The following EPHA5 variants were observed in gnomAD, a reference collection of about 807,000 sequenced individuals.
EPHA5 encodes ephrin type-A receptor 5.
A neutral mutation model predicts 105.0 loss-of-function variants in EPHA5; 60 were observed. That is an observed-to-expected ratio of 0.57 (90% CI 0.46 to 0.71). The LOEUF (loss-of-function observed/expected upper bound fraction) is 0.71. Among genes scored for constraint, EPHA5 ranks in the 30% least tolerant of loss-of-function variants. The pLI, the probability that EPHA5 is intolerant of heterozygous loss-of-function variation, is 0.00. For missense variants in EPHA5, 1,218 were observed against 1,274.7 expected (o/e 0.96, Z 0.68); for synonymous variants, 513 against 449.1 (o/e 1.14, Z -1.80).
At chr4:65,549,938 G>C (rs114226384) in intron 3 of EPHA5, among the ~76,000 whole-genome samples, 1 of 151,996 alleles carries the variant, frequency 6.6e-6, no homozygotes, top group Non-Finnish European at 1.5e-5. Context: ...AGGCCCAAAA[G>C]CACACTTTAC....
At chr4:65,652,470 G>T (rs1748693331) in intron 1 of EPHA5, among the ~76,000 whole-genome samples, 1 of 152,086 alleles carries the variant, frequency 6.6e-6, no homozygotes, top group African/African-American at 2.4e-5. Context: ...TTTTACAGAT[G>T]AGGAAATGGA....
intron 2 of EPHA5, among the ~76,000 whole-genome samples, chr4:65,635,505 G>A (rs1747038309): frequency 1.3e-5 from 2 of 152,084 alleles, no homozygotes; most frequent in South Asian, 4.1e-4. Flanking sequence ...TTGTGTGCTA[G>A]AGGAAGCACA....
chr4:65,461,121 T>C (rs1239066142), intron 5 of EPHA5, among the ~76,000 whole-genome samples: 1 of 151,902 alleles, frequency 6.6e-6, no homozygotes, highest in Non-Finnish European at 1.5e-5. Context: ...TTGAAATCTG[T>C]CTTCACCTAA....
intron 5 of EPHA5, among the ~76,000 whole-genome samples, chr4:65,463,976 A>C (rs924284708): frequency 2.2e-4 from 33 of 151,910 alleles, no homozygotes; most frequent in African/African-American, 8.0e-4. Flanking sequence ...AATTAAGACT[A>C]AGCATTTCTT....
chr4:65,500,737 A>AAT (rs1289780388), intron 3 of EPHA5, among the ~76,000 whole-genome samples: 5 of 150,506 alleles, frequency 3.3e-5, no homozygotes, highest in African/African-American at 4.9e-5. Context: ...TAAAAATATT[A>AAT]ATATATATAA....
At chr4:65,393,397 T>C (rs567441053) in intron 8 of EPHA5, among the ~76,000 whole-genome samples, 34 of 152,242 alleles carry the variant, frequency 2.2e-4, no homozygotes, top group Non-Finnish European at 1.5e-5. Flanking sequence ...GCTCTGAGAG[T>C]GAAGGGTGAG....
chr4:65,550,631 C>G (rs144033965), intron 3 of EPHA5, among the ~76,000 whole-genome samples: 2 of 151,980 alleles, frequency 1.3e-5, no homozygotes, highest in Non-Finnish European at 2.9e-5. Context: ...GTCAGGAGAT[C>G]GAAATCATCC....
intron 2 of EPHA5, among the ~76,000 whole-genome samples, chr4:65,608,676 A>G (rs1164410362): frequency 6.6e-6 from 1 of 152,186 alleles, no homozygotes; most frequent in Admixed American, 6.5e-5. Flanking sequence ...TGCTAATTTA[A>G]AGGTGATCCT....
At chr4:65,652,711 C>T (rs997189665) in intron 1 of EPHA5, among the ~76,000 whole-genome samples, 3 of 152,034 alleles carry the variant, frequency 2.0e-5, no homozygotes. Flanking sequence ...GTTACAGAAG[C>T]CAGCATCACC....
intron 5 of EPHA5, among the ~76,000 whole-genome samples, chr4:65,447,985 T>C (rs187802462): frequency 6.6e-6 from 1 of 152,172 alleles, no homozygotes; most frequent in East Asian, 1.9e-4. Context: ...CTAAAATAGA[T>C]GAAAGTGATA....
At chr4:65,349,663 T>A (rs964392220) in intron 13 of EPHA5, among the ~76,000 whole-genome samples, 1 of 152,130 alleles carries the variant, frequency 6.6e-6, no homozygotes, top group Admixed American at 6.5e-5. Context: ...ATACTAAAAA[T>A]TATTTTGGGA....
intron 16 of EPHA5, among the ~76,000 whole-genome samples, chr4:65,326,637 T>A (rs896920637): frequency 1.3e-5 from 2 of 151,288 alleles, no homozygotes; most frequent in African/African-American, 2.4e-5. Context: ...AGAAAAAGGA[T>A]GAAAATTTTT....
At chr4:65,523,737 C>T (rs1036298396) in intron 3 of EPHA5, among the ~76,000 whole-genome samples, 2 of 151,890 alleles carry the variant, frequency 1.3e-5, no homozygotes, top group Non-Finnish European at 2.9e-5. Flanking sequence ...TCAGAGTCCT[C>T]TTGATTTTTT....
Position 65,351,581 on chromosome 4 carries a change from G to A in EPHA5, c.2253C>T (p.Phe751=), listed in dbSNP as rs2148855885. Reference sequence around the variant, plus strand: ...GCATGCCAACAAGCTGAATCACAGTGAACTGCCCATCGTTTTTCTGTAAAG... The same window carrying A: ...GCATGCCAACAAGCTGAATCACAGTAAACTGCCCATCGTTTTTCTGTAAAG... ...DTFLKKNDGQ[F]TVIQLVGMLR... is the part of the protein sequence containing the mutation. Residue 751 remains phenylalanine (F), a synonymous_variant, in exon 13 of 17, where the codon TTC becomes TTT. Transcript: ENST00000613740. The A allele has an allele frequency of 6.2e-7, 1 of 1,613,494 alleles. No individual in the cohort carries two copies. Among genetic ancestry groups the A allele is most frequent in the African/African-American group, 1.3e-5 (1 of 74,988 alleles).
intron 3 of EPHA5, among the ~76,000 whole-genome samples, chr4:65,496,175 C>A (rs1487257769): frequency 1.3e-5 from 2 of 152,128 alleles, no homozygotes; most frequent in Non-Finnish European, 2.9e-5. Context: ...ATTCTAATAT[C>A]AGTAAGGCTT....
At chr4:65,564,759 C>T (rs973333586) in intron 3 of EPHA5, among the ~76,000 whole-genome samples, 1 of 151,606 alleles carries the variant, frequency 6.6e-6, no homozygotes, top group Non-Finnish European at 1.5e-5. Flanking sequence ...TAGAATTAAG[C>T]AATGTATTTG....
intron 11 of EPHA5, among the ~76,000 whole-genome samples, chr4:65,363,282 T>C (rs980327360): frequency 1.1e-4 from 17 of 151,710 alleles, no homozygotes; most frequent in African/African-American, 3.9e-4. Flanking sequence ...TATTAATTAG[T>C]GTCATCTTCA....
intron 5 of EPHA5, among the ~76,000 whole-genome samples, chr4:65,444,495 G>A (rs952040661): frequency 2.0e-5 from 3 of 152,184 alleles, no homozygotes; most frequent in African/African-American, 7.2e-5. Flanking sequence ...TTTTATAGGA[G>A]CTATCTTGTA....
At chr4:65,526,124 T>C (rs1189113124) in intron 3 of EPHA5, among the ~76,000 whole-genome samples, 1 of 151,916 alleles carries the variant, frequency 6.6e-6, no homozygotes, top group Non-Finnish European at 1.5e-5. Context: ...TTTCAATGTT[T>C]CATTTATCAA....
Sources: allele counts gnomAD v4.1 joint callset (sites outside exome capture counted in the v4.1 genomes callset), GRCh38; gene constraint gnomAD v4.1.1; transcripts MANE v1.5; gene names NCBI Gene and HGNC (gene_info 2026-07-23, HGNC 2026-07-21).